The following MDGA2 variants were observed in gnomAD, a reference collection of about 807,000 sequenced individuals.
MDGA2 encodes the protein MAM domain-containing glycosylphosphatidylinositol anchor protein 2.
In MDGA2, 40 loss-of-function variants were observed where a neutral mutation model predicts 117.8. That is an observed-to-expected ratio of 0.34 (90% CI 0.26 to 0.44). The LOEUF (loss-of-function observed/expected upper bound fraction) is 0.44, where lower values mean the gene tolerates loss of function less well. Among genes scored for constraint, MDGA2 ranks in the 20% least tolerant of loss-of-function variants. The pLI is 1.00. For synonymous variants in MDGA2, 452 were observed against 439.0 expected (o/e 1.03, Z -0.37); for missense variants, 1,123 against 1,250.6 (o/e 0.90, Z 1.54).
intron 2 of MDGA2, among the ~76,000 whole-genome samples, chr14:47,229,272 G>A (rs1220972392): frequency 6.6e-6 from 1 of 152,076 alleles, no homozygotes; most frequent in Non-Finnish European, 1.5e-5. Context: ...ATTCAAGTGT[G>A]ATAGCTGGGA....
At chr14:47,213,208 CAG>C (rs537638633) in intron 3 of MDGA2, among the ~76,000 whole-genome samples, 16 of 152,114 alleles carry the variant, frequency 1.1e-4, no homozygotes, top group Non-Finnish European at 2.1e-4. Context: ...CCTGGCCATA[CAG>C]AAGATTCTAG....
At chr14:47,556,053 T>C (rs1895676716) in intron 1 of MDGA2, among the ~76,000 whole-genome samples, 2 of 152,300 alleles carry the variant, frequency 1.3e-5, no homozygotes, top group South Asian at 2.1e-4. Flanking sequence ...TCTTACTGAG[T>C]GACTCCCTTC....
chr14:46,886,154 G>T (rs1882667993), intron 10 of MDGA2, among the ~76,000 whole-genome samples: 1 of 152,088 alleles, frequency 6.6e-6, no homozygotes, highest in South Asian at 2.1e-4. Flanking sequence ...TATAAGTTTG[G>T]AGAGTAATTT....
At chr14:46,873,371 T>C in intron 14 of MDGA2, 62 bp downstream of exon 14, 4 of 1,443,410 alleles carry the variant, frequency 2.8e-6, no homozygotes, top group Non-Finnish European at 3.7e-6. Flanking sequence ...TGTGTGTTTA[T>C]GAACCTTTTT....
intron 3 of MDGA2, among the ~76,000 whole-genome samples, chr14:47,170,421 C>G (rs926548266): frequency 1.4e-4 from 21 of 152,110 alleles, no homozygotes; most frequent in Admixed American, 6.5e-5. Context: ...AGGCATTTGA[C>G]ATTTCACCCA....
At chr14:47,454,229 A>G (rs1893300697) in intron 1 of MDGA2, among the ~76,000 whole-genome samples, 1 of 152,012 alleles carries the variant, frequency 6.6e-6, no homozygotes, top group South Asian at 2.1e-4. Context: ...TAGGCAGCCA[A>G]CTCTAATTTT....
intron 10 of MDGA2, 144 bp from the exon 11 acceptor site, chr14:46,882,365 A>G: frequency 4.6e-6 from 3 of 653,220 alleles, no homozygotes; most frequent in Non-Finnish European, 2.4e-6. Flanking sequence ...AGTTTCTATA[A>G]TGATAAACAA....
chr14:47,662,404 CAT>C (rs1491353986), intron 1 of MDGA2, among the ~76,000 whole-genome samples: 2 of 152,026 alleles, frequency 1.3e-5, no homozygotes, highest in South Asian at 2.1e-4. Flanking sequence ...TGCACATGTG[CAT>C]GTGTGTGTGT....
chr14:47,126,192 C>A (rs908678500), intron 5 of MDGA2, among the ~76,000 whole-genome samples: 1 of 151,920 alleles, frequency 6.6e-6, no homozygotes, highest in South Asian at 2.1e-4. Flanking sequence ...TTTATGCTCC[C>A]AGGTTAAAGA....
At chr14:47,268,730 C>A (rs1428161069) in intron 2 of MDGA2, among the ~76,000 whole-genome samples, 3 of 151,968 alleles carry the variant, frequency 2.0e-5, no homozygotes, top group Non-Finnish European at 4.4e-5. Context: ...TTATGTCTAC[C>A]CTGTGATGAT....
intron 2 of MDGA2, among the ~76,000 whole-genome samples, chr14:47,247,473 T>C (rs938947855): frequency 6.6e-6 from 1 of 151,080 alleles, no homozygotes; most frequent in Non-Finnish European, 1.5e-5. Context: ...CCCGCTAATT[T>C]TGTAATTTTA....
At chr14:47,466,610 C>T (rs1366605586) in intron 1 of MDGA2, among the ~76,000 whole-genome samples, 3 of 152,002 alleles carry the variant, frequency 2.0e-5, no homozygotes, top group Non-Finnish European at 2.9e-5. Context: ...AACTTGATGC[C>T]GCCTTTCAAC....
intron 1 of MDGA2, among the ~76,000 whole-genome samples, chr14:47,655,380 G>A (rs1897724017): frequency 6.6e-6 from 1 of 152,094 alleles, no homozygotes; most frequent in South Asian, 2.1e-4. Flanking sequence ...TAACTTTTCT[G>A]TCCTCTGCCA....
chr14:47,108,742 C>G (rs8016247), intron 5 of MDGA2, among the ~76,000 whole-genome samples: 136,596 of 152,174 alleles, frequency 0.9, 61,333 homozygotes, highest in East Asian at 1. Context: ...CTGTTTGGTG[C>G]TCTCTTCACA....
chr14:47,165,159 G>T (rs1883816033), intron 3 of MDGA2, among the ~76,000 whole-genome samples: 3 of 152,048 alleles, frequency 2.0e-5, no homozygotes, highest in Admixed American at 2.0e-4. Flanking sequence ...TAAATGACAA[G>T]TTAATGGGTG....
intron 1 of MDGA2, among the ~76,000 whole-genome samples, chr14:47,431,511 G>A (rs374285395): frequency 2.0e-5 from 3 of 151,928 alleles, no homozygotes; most frequent in Non-Finnish European, 2.9e-5. Context: ...TAAATATTAC[G>A]CCTTTGGTAT....
chr14:46,953,038 T>A (rs975620404), intron 9 of MDGA2, among the ~76,000 whole-genome samples: 1 of 151,838 alleles, frequency 6.6e-6, no homozygotes, highest in African/African-American at 2.4e-5. Flanking sequence ...CAGAAGAGAA[T>A]ATAAGGCTTA....
intron 1 of MDGA2, among the ~76,000 whole-genome samples, chr14:47,469,544 A>T (rs1416901354): frequency 6.6e-6 from 1 of 152,060 alleles, no homozygotes; most frequent in Non-Finnish European, 1.5e-5. Context: ...TTCTTAATCC[A>T]GTCTATCGTT....
chr14:47,322,420 T>C (rs1302879390), intron 1 of MDGA2, among the ~76,000 whole-genome samples: 1 of 152,198 alleles, frequency 6.6e-6, no homozygotes, highest in East Asian at 1.9e-4. Flanking sequence ...ATTATTATTA[T>C]TATTTTAATA....
Sources: allele counts gnomAD v4.1 joint callset (sites outside exome capture counted in the v4.1 genomes callset), GRCh38; gene constraint gnomAD v4.1.1; transcripts MANE v1.5; gene names NCBI Gene and HGNC (gene_info 2026-07-23, HGNC 2026-07-21).